Variants in CACNA1C observed in about 807,000 individuals in gnomAD.
CACNA1C encodes voltage-dependent L-type calcium channel subunit alpha-1C.
Under a neutral mutation model 229.0 loss-of-function variants are expected in CACNA1C, and 30 were observed. That is an observed-to-expected ratio of 0.13 (90% CI 0.10 to 0.18). The LOEUF (loss-of-function observed/expected upper bound fraction) is 0.18. Among genes scored for constraint, CACNA1C ranks in the 10% least tolerant of loss-of-function variants. The probability of loss-of-function intolerance (pLI) is 1.00; values close to 1 mark genes in which losing one functional copy is unlikely to be tolerated. For missense variants in CACNA1C, 1,658 were observed against 2,845.0 expected (o/e 0.58, Z 9.49); for synonymous variants, 1,114 against 1,132.5 (o/e 0.98, Z 0.33).
chr12:2,504,335 A>C lies in CACNA1C; in HGVS notation c.1114-507A>C. On this transcript the variant is annotated intron_variant, in intron 7 of 46. Coordinates refer to ENST00000399655, the MANE Select transcript of CACNA1C (RefSeq NM_000719.7). The surrounding 1 kb of genome is among the most constrained non-coding windows in gnomAD (Gnocchi z 6.8). ...GTGCACATGAACAAAGCCCACGTTC[A>C]GCCCCGTCTGTCCCCTCCCAATCTG... The C allele has an allele frequency of 2.8e-6, 2 of 711,330 alleles. No individual in the cohort carries two copies. Among genetic ancestry groups the C allele is most frequent in the Non-Finnish European group, 5.2e-6 (2 of 387,032 alleles). The allele number at this position is 711,330 out of a possible 1,614,324, so 44.1% of individuals were successfully genotyped here. A position where few individuals can be genotyped will look rare whatever the true frequency, so the allele number is the denominator to read the frequency against.
chr12:2,103,476 G>A (rs143784357), intron 1 of CACNA1C, among the ~76,000 whole-genome samples: 154 of 152,134 alleles, frequency 1.0e-3, no homozygotes, highest in African/African-American at 3.6e-3. Context: ...CTGGATATTA[G>A]CGCTTTGTCA....
rs1373658871 is a variant in CACNA1C, at chr12:2,567,639, G to A, written c.1740G>A (p.Leu580=). The change falls in exon 13 of 47, where the codon CTG becomes CTA. Residue 580 remains leucine, a synonymous_variant. Transcript: ENST00000399655. The part of the protein sequence containing the change: ...EMLLKMYSLG[L]QAYFVSLFNR... ...TCCTGAAGATGTACAGCCTGGGCCT[G>A]CAGGCCTACTTCGTGTCCCTCTTCA... 3 of 1,612,424 alleles carry A rather than the reference G, an allele frequency of 1.9e-6. No individual in the cohort carries two copies. The highest frequency in any genetic ancestry group is 2.5e-6 in the Non-Finnish European group (3 of 1,179,236).
At chr12:2,466,127 T>C (rs550669255) in intron 5 of CACNA1C, among the ~76,000 whole-genome samples, 2 of 152,212 alleles carry the variant, frequency 1.3e-5, no homozygotes, top group Non-Finnish European at 2.9e-5. Flanking sequence ...CCACACTGAT[T>C]AGCAAGCGGT....
At chr12:2,242,447 G>A (rs1040293325) in intron 3 of CACNA1C, among the ~76,000 whole-genome samples, 1 of 152,180 alleles carries the variant, frequency 6.6e-6, no homozygotes, top group African/African-American at 2.4e-5. Flanking sequence ...CACAGCAGAC[G>A]GTCATCACTG....
At chr12:2,533,552 C>G (rs1469031942) in intron 9 of CACNA1C, among the ~76,000 whole-genome samples, 1 of 152,206 alleles carries the variant, frequency 6.6e-6, no homozygotes, top group African/African-American at 2.4e-5. Flanking sequence ...GCCATGTTCC[C>G]TCCCTGGGGC....
At chr12:1,990,731 A>G (rs2039155110) in intron 1 of CACNA1C, among the ~76,000 whole-genome samples, 1 of 152,218 alleles carries the variant, frequency 6.6e-6, no homozygotes, top group African/African-American at 2.4e-5. Flanking sequence ...AACAATCCTG[A>G]GTAAAGCTGA....
chr12:2,681,949 G>T, intron 42 of CACNA1C: 1 of 1,583,360 alleles, frequency 6.3e-7, no homozygotes, highest in Non-Finnish European at 8.7e-7. Flanking sequence ...TGTCCCAGCA[G>T]GGAAAGGCAC....
At chr12:2,260,751 G>A (rs149515738) in intron 3 of CACNA1C, among the ~76,000 whole-genome samples, 40 of 152,200 alleles carry the variant, frequency 2.6e-4, no homozygotes, top group Middle Eastern at 3.4e-3. Context: ...CCTAAAGTGG[G>A]GTTAATTATA....
At chr12:2,443,615 T>C (rs1295153598) in intron 3 of CACNA1C, among the ~76,000 whole-genome samples, 1 of 152,184 alleles carries the variant, frequency 6.6e-6, no homozygotes, top group Non-Finnish European at 1.5e-5. Context: ...GAATATTTGG[T>C]GCCTTCTCAA....
At chr12:2,288,995 G>A (rs549785936) in intron 3 of CACNA1C, 5 of 152,282 alleles carry the variant, frequency 3.3e-5, no homozygotes, top group Admixed American at 1.3e-4. Context: ...GGGTTAAGAG[G>A]GTTCTCTCGT....
intron 3 of CACNA1C, among the ~76,000 whole-genome samples, chr12:2,254,538 G>A (rs531709908): frequency 6.6e-6 from 1 of 152,334 alleles, no homozygotes; most frequent in South Asian, 2.1e-4. Context: ...TCGTGCTGCG[G>A]CAAACTGGCA....
chr12:2,519,319 A>T (rs2099804884), intron 9 of CACNA1C, among the ~76,000 whole-genome samples: 1 of 152,234 alleles, frequency 6.6e-6, no homozygotes, highest in Non-Finnish European at 1.5e-5. Context: ...AGTGCATGCC[A>T]TATGCCAGTT....
rs549540367 is a variant in CACNA1C at position 2,206,144 on chromosome 12, G to A, written c.477+85714G>A. 5.8e-4 allele frequency among the ~76,000 whole-genome samples: 89 copies of A among 152,186 alleles called. 1 individual carries two copies. The highest frequency in any genetic ancestry group is 8.2e-4 in the Non-Finnish European group (56 of 68,032). ...CTGGACAGACCTGGGATGGCTCCGC[G>A]TAAACCGTGTCTGCAGCATCCTGGG... On this transcript the variant is annotated intron_variant, in intron 3 of 46. Transcript: ENST00000399655.
At chr12:2,650,591 T>G (rs571996822) in intron 31 of CACNA1C, among the ~76,000 whole-genome samples, 1 of 152,106 alleles carries the variant, frequency 6.6e-6, no homozygotes, top group Non-Finnish European at 1.5e-5. Flanking sequence ...CAGGCCGATG[T>G]GGGCAGGAGG....
intron 3 of CACNA1C, among the ~76,000 whole-genome samples, chr12:2,126,519 A>G (rs1311814608): frequency 6.6e-6 from 1 of 152,244 alleles, no homozygotes; most frequent in South Asian, 2.1e-4. Flanking sequence ...TTAAGAGAAT[A>G]TATTTGGCAT....
At chr12:2,395,870 A>T (rs1122784) in intron 3 of CACNA1C, among the ~76,000 whole-genome samples, 30,578 of 152,170 alleles carry the variant, frequency 0.2, 3,868 homozygotes, top group African/African-American at 0.35. Flanking sequence ...TGGTTGAGAA[A>T]TTAGAAGGTG....
chr12:2,064,286 T>C (rs1020543447), intron 1 of CACNA1C, among the ~76,000 whole-genome samples: 1 of 152,248 alleles, frequency 6.6e-6, no homozygotes, highest in African/African-American at 2.4e-5. Flanking sequence ...TTAGTCTGTC[T>C]CTGTCTCTCC....
chr12:2,332,970 T>G (rs151297532), intron 3 of CACNA1C, among the ~76,000 whole-genome samples: 20 of 152,302 alleles, frequency 1.3e-4, no homozygotes, highest in Non-Finnish European at 2.5e-4. Context: ...AGCAATGAAG[T>G]TCTGAGTCTT....
intron 13 of CACNA1C, among the ~76,000 whole-genome samples, chr12:2,578,155 A>G (rs1276849646): frequency 6.6e-6 from 1 of 152,180 alleles, no homozygotes; most frequent in Admixed American, 6.5e-5. Flanking sequence ...GGCGTGAGCC[A>G]CCGCGCCCGG....
Sources: gnomAD v4.1 joint callset for allele counts (sites outside exome capture counted in the v4.1 genomes callset) on GRCh38, gnomAD v4.1.1 for gene constraint, Gnocchi (gnomAD v3.1) non-coding constraint, MANE v1.5 for transcripts, NCBI Gene and HGNC (gene_info 2026-07-23, HGNC 2026-07-21) for gene names.